The following GRIN2A variants were observed in gnomAD, a reference collection of about 807,000 sequenced individuals.
The protein encoded by GRIN2A is glutamate receptor ionotropic, NMDA 2A.
Under a neutral mutation model 113.4 loss-of-function variants are expected in GRIN2A, and 22 were observed. That is an observed-to-expected ratio of 0.19 (90% CI 0.14 to 0.28). The LOEUF is 0.28. GRIN2A is among the 10% of genes least tolerant of loss of function. GRIN2A has a pLI of 1.00. For synonymous variants in GRIN2A, 827 were observed against 738.4 expected (o/e 1.12, Z -1.94); for missense variants, 1,502 against 1,887.0 (o/e 0.80, Z 3.78).
In GRIN2A at chr16:10,180,494, A is replaced by C; in HGVS notation, c.-18-65T>G. The C allele has an allele frequency of 6.5e-7, 1 of 1,542,892 alleles. No individual in the cohort carries two copies. The highest frequency in any genetic ancestry group is 8.7e-7 in the Non-Finnish European group (1 of 1,150,532). ...AGGCGACCAGAAGAAAGGGATTACCAACTTGGCTTCCTGCTCTAGGAGCCA... is the reference window on the plus strand; with the variant it reads ...AGGCGACCAGAAGAAAGGGATTACCCACTTGGCTTCCTGCTCTAGGAGCCA... On this transcript the variant is annotated intron_variant, in intron 1 of 12. Coordinates refer to ENST00000330684, the MANE Select transcript of GRIN2A (RefSeq NM_001134407.3). This position sits in a 1 kb window ranked among gnomAD's most constrained non-coding sequence, Gnocchi z 7.0.
intron 4 of GRIN2A, among the ~76,000 whole-genome samples, chr16:9,879,125 A>G (rs2043428201): frequency 6.6e-6 from 1 of 152,150 alleles, no homozygotes; most frequent in African/African-American, 2.4e-5. Context: ...TAATGGCTCA[A>G]TTTTCCCTCT....
chr16:9,828,914 G>A (rs948529253), intron 9 of GRIN2A, among the ~76,000 whole-genome samples: 5 of 152,186 alleles, frequency 3.3e-5, no homozygotes, highest in East Asian at 1.9e-4. Flanking sequence ...AGTCAGAAGC[G>A]CTGATGCTGA....
intron 2 of GRIN2A, among the ~76,000 whole-genome samples, chr16:9,966,997 A>T (rs946296088): frequency 1.4e-4 from 21 of 152,216 alleles, no homozygotes; most frequent in African/African-American, 5.1e-4. Context: ...GTGAAACATG[A>T]GTCACTGTTA....
chr16:9,861,144 C>T (rs1248627869), intron 4 of GRIN2A, among the ~76,000 whole-genome samples: 1 of 152,118 alleles, frequency 6.6e-6, no homozygotes, highest in Non-Finnish European at 1.5e-5. Context: ...GGTTTCATAA[C>T]CATGGGGAAA....
chr16:9,906,052 A>C (rs1390867658), intron 3 of GRIN2A, among the ~76,000 whole-genome samples: 5 of 152,214 alleles, frequency 3.3e-5, no homozygotes, highest in African/African-American at 1.2e-4. Context: ...GCTTGCTACC[A>C]AAATGTCTTT....
In GRIN2A at chr16:10,123,484, C is replaced by T. The variant is rs143141067; in HGVS notation, c.414+56514G>A. Reference sequence around the variant, plus strand: ...TAGTTTGCAAGATACTGAAGTCGCACGTTGTTTCTAAGAACACTGATGCTC... The same window carrying T: ...TAGTTTGCAAGATACTGAAGTCGCATGTTGTTTCTAAGAACACTGATGCTC... On this transcript the variant is annotated intron_variant, in intron 2 of 12. Coordinates refer to ENST00000330684, the MANE Select transcript of GRIN2A (RefSeq NM_001134407.3). 1.1e-3 allele frequency among the ~76,000 whole-genome samples: 174 copies of T among 152,230 alleles called. 5 individuals are homozygous for T. The highest frequency in any genetic ancestry group is 0.011 in the South Asian group (51 of 4,818).
chr16:10,007,208 A>T (rs1253434371), intron 2 of GRIN2A, among the ~76,000 whole-genome samples: 9 of 152,218 alleles, frequency 5.9e-5, no homozygotes, highest in African/African-American at 1.9e-4. Context: ...GAACCTCCAT[A>T]CTGTTATCCA....
intron 4 of GRIN2A, among the ~76,000 whole-genome samples, chr16:9,868,339 T>C (rs555575192): frequency 6.6e-6 from 1 of 152,314 alleles, no homozygotes; most frequent in East Asian, 1.9e-4. Context: ...CTATCTCAGT[T>C]CACTGCAACC....
chr16:10,111,523 G>C (rs527667021), intron 2 of GRIN2A: 1 of 738,876 alleles, frequency 1.4e-6, no homozygotes, highest in East Asian at 2.5e-5. Flanking sequence ...CATAGCTGAT[G>C]AGGTAGACCT....
At chr16:10,110,289 G>A (rs1435782238) in intron 2 of GRIN2A, among the ~76,000 whole-genome samples, 1 of 152,218 alleles carries the variant, frequency 6.6e-6, no homozygotes, top group South Asian at 2.1e-4. Context: ...TAACGAGTTA[G>A]GGGAACGTGG....
chr16:9,987,503 T>C (rs2046002397), intron 2 of GRIN2A, among the ~76,000 whole-genome samples: 1 of 152,138 alleles, frequency 6.6e-6, no homozygotes, highest in South Asian at 2.1e-4. Flanking sequence ...GTAAAATAAA[T>C]GAGGGCATAA....
chr16:9,979,835 G>T (rs921192894), intron 2 of GRIN2A, among the ~76,000 whole-genome samples: 7 of 103,548 alleles, frequency 6.8e-5, no homozygotes, highest in African/African-American at 2.1e-4. Context: ...ATTTATCTAG[G>T]ACTTATATTC....
chr16:9,834,994 G>A (rs751880853), intron 7 of GRIN2A, among the ~76,000 whole-genome samples: 23 of 152,062 alleles, frequency 1.5e-4, no homozygotes, highest in Non-Finnish European at 3.4e-4. Flanking sequence ...ATTTTTTCAT[G>A]CTAGAAAGAT....
chr16:9,836,007 A>T (rs534851954), intron 7 of GRIN2A, among the ~76,000 whole-genome samples: 30 of 152,364 alleles, frequency 2.0e-4, no homozygotes, highest in African/African-American at 6.0e-4. Context: ...TTTTAACTTT[A>T]GCTTGAGTAA....
chr16:10,144,799 TA>T (rs2049400525), intron 2 of GRIN2A, among the ~76,000 whole-genome samples: 2 of 151,178 alleles, frequency 1.3e-5, no homozygotes. Flanking sequence ...CACACCCCTG[TA>T]ATCCCAACTA....
chr16:9,770,225 A>G (rs1195108453), intron 11 of GRIN2A, among the ~76,000 whole-genome samples: 1 of 151,782 alleles, frequency 6.6e-6, no homozygotes, highest in Non-Finnish European at 1.5e-5. Context: ...GTAAAAATCA[A>G]GATGTGTATG....
At chr16:10,144,548 A>G (rs905149461) in intron 2 of GRIN2A, among the ~76,000 whole-genome samples, 2 of 152,190 alleles carry the variant, frequency 1.3e-5, no homozygotes, top group East Asian at 1.9e-4. Flanking sequence ...AATTTCTTAT[A>G]TATTTTGGAT....
intron 3 of GRIN2A, among the ~76,000 whole-genome samples, chr16:9,901,848 G>T (rs943702022): frequency 1.3e-5 from 2 of 152,170 alleles, no homozygotes; most frequent in South Asian, 2.1e-4. Context: ...AAAGAACTCT[G>T]GTCTTCAAAT....
intron 2 of GRIN2A, among the ~76,000 whole-genome samples, chr16:9,979,448 T>A (rs533732264): frequency 6.6e-6 from 1 of 152,306 alleles, no homozygotes; most frequent in African/African-American, 2.4e-5. Flanking sequence ...TCCTCCGCTG[T>A]TCCCATCATC....
Sources: allele counts gnomAD v4.1 joint callset (sites outside exome capture counted in the v4.1 genomes callset), GRCh38; gene constraint gnomAD v4.1.1; non-coding constraint Gnocchi (gnomAD v3.1); transcripts MANE v1.5; gene names NCBI Gene and HGNC (gene_info 2026-07-23, HGNC 2026-07-21).